The following ATP11C variants were observed in gnomAD, a reference collection of about 807,000 sequenced individuals.
ATP11C encodes the protein phospholipid-transporting ATPase IG.
A neutral mutation model predicts 97.4 loss-of-function variants in ATP11C; 36 were observed. The observed-to-expected ratio is 0.37, with a 90% CI of 0.28 to 0.49. The LOEUF (loss-of-function observed/expected upper bound fraction) is 0.49, where lower values mean the gene tolerates loss of function less well. ATP11C is among the 20% of genes least tolerant of loss of function. ATP11C has a pLI of 0.98. For missense variants in ATP11C, 730 were observed against 824.6 expected, an observed-to-expected ratio of 0.89 and a Z score of 1.40; for synonymous variants, 275 against 290.9, an observed-to-expected ratio of 0.95 and a Z score of 0.56.
chrX:139,918,692 A>T (rs1332271757), intron 1 of ATP11C, among the ~76,000 whole-genome samples: 1 of 108,633 alleles, frequency 9.2e-6, no homozygotes, highest in Non-Finnish European at 1.9e-5. Flanking sequence ...AAAAAAAAAA[A>T]AAAAGGGAAG....
chrX:139,762,751 C>T (rs1211894096), intron 21 of ATP11C, among the ~76,000 whole-genome samples: 1 of 111,030 alleles, frequency 9.0e-6, no homozygotes, highest in Non-Finnish European at 1.9e-5. Flanking sequence ...AGCTAACTAA[C>T]TTGCTGGGGA....
chrX:139,808,359 T>A (rs886656860), intron 5 of ATP11C, among the ~76,000 whole-genome samples: 3 of 110,840 alleles, frequency 2.7e-5, no homozygotes, highest in African/African-American at 9.9e-5. Flanking sequence ...CCAAAGTTAA[T>A]CAAAGCCGAC....
Position 139,804,616 on chromosome X carries a change from A to C in ATP11C, c.427-17T>G. The C allele has an allele frequency of 8.7e-7, 1 of 1,153,287 alleles. No individual in the cohort carries two copies. The highest frequency in any genetic ancestry group is 1.2e-6 in the Non-Finnish European group (1 of 858,131). ...ATCACCAACCTGGAATTGAGAAATAAATATAAATATTTTAAATTCCAAACA... is the reference window on the plus strand; with the variant it reads ...ATCACCAACCTGGAATTGAGAAATACATATAAATATTTTAAATTCCAAACA... On this transcript the variant is annotated splice_polypyrimidine_tract_variant and intron_variant, in intron 5 of 29. Coordinates refer to ENST00000682941, the MANE Select transcript of ATP11C (RefSeq NM_001353812.2).
At chrX:139,826,967 C>G in intron 1 of ATP11C, 144 bp from the exon 2 acceptor site, 1 of 554,147 alleles carries the variant, frequency 1.8e-6, no homozygotes, top group Non-Finnish European at 2.7e-6. Context: ...TTAGGGAATT[C>G]AAAATCCATT....
At chrX:139,881,336 AC>A (rs1177387579) in intron 1 of ATP11C, among the ~76,000 whole-genome samples, 1 of 111,564 alleles carries the variant, frequency 9.0e-6, no homozygotes. Context: ...ACATGGTTCA[AC>A]CCAGGCCACG....
chrX:139,781,288 A>G (rs2082451428), intron 18 of ATP11C, among the ~76,000 whole-genome samples: 1 of 112,245 alleles, frequency 8.9e-6, no homozygotes, highest in Non-Finnish European at 1.9e-5. Context: ...AATTCTCATA[A>G]TTTTCATATA....
Position 139,753,508 on chromosome X carries a change from A to G in ATP11C, c.2701-3356T>C, listed in dbSNP as rs1354592737. Among the ~76,000 whole-genome samples the G allele has an allele frequency of 6.2e-5, 7 of 112,024 alleles. No homozygotes were observed. In the East Asian group the frequency reaches 2.0e-3, roughly 31 times the overall value. Reference sequence around the variant, plus strand: ...GAAATTTATAGCACTAAACACCCGCATCAAAAAGTTAAAAAGAGGGCCGGG... The same window carrying G: ...GAAATTTATAGCACTAAACACCCGCGTCAAAAAGTTAAAAAGAGGGCCGGG... On this transcript the variant is annotated intron_variant, in intron 23 of 29. Coordinates refer to ENST00000682941, the MANE Select transcript of ATP11C (RefSeq NM_001353812.2).
At chrX:139,802,425 G>T in intron 6 of ATP11C, 86 bp from the exon 7 acceptor site, 1 of 530,474 alleles carries the variant, frequency 1.9e-6, no homozygotes, top group Non-Finnish European at 3.1e-6. Flanking sequence ...AACAAATTTA[G>T]TTTATGTTTT....
At chrX:139,805,354 T>A (rs766993050) in intron 5 of ATP11C, among the ~76,000 whole-genome samples, 4 of 111,972 alleles carry the variant, frequency 3.6e-5, no homozygotes, top group Non-Finnish European at 5.6e-5. Flanking sequence ...CACTTAACTA[T>A]ATGACCTTAA....
rs991905036 is a variant in ATP11C, at chrX:139,866,841, G to C, written c.28-40018C>G. Among the ~76,000 whole-genome samples, 23 of 111,669 alleles carry C rather than the reference G, an allele frequency of 2.1e-4. 1 individual carries two copies. The highest frequency in any genetic ancestry group is 3.6e-4 in the Non-Finnish European group (19 of 53,189). ...CTCACACCTATAAATCCAACACTTT[G>C]GGAGGCCGAGACAAGCAGATTGCTT... On this transcript the variant is annotated intron_variant, in intron 1 of 29. Coordinates refer to ENST00000682941, the MANE Select transcript of ATP11C (RefSeq NM_001353812.2).
chrX:139,808,410 A>T (rs969801502), intron 5 of ATP11C, among the ~76,000 whole-genome samples: 40 of 112,054 alleles, frequency 3.6e-4, no homozygotes, highest in Non-Finnish European at 7.5e-5. Flanking sequence ...GATAACTACG[A>T]TGAAAAAAAT....
At chrX:139,904,017 G>C (rs753944120) in intron 1 of ATP11C, among the ~76,000 whole-genome samples, 1 of 111,958 alleles carries the variant, frequency 8.9e-6, no homozygotes, top group East Asian at 2.8e-4. Context: ...CAGCTCCCAG[G>C]TGATGTGATA....
chrX:139,879,242 C>T (rs147686010), intron 1 of ATP11C, among the ~76,000 whole-genome samples: 15 of 110,565 alleles, frequency 1.4e-4, no homozygotes, highest in Non-Finnish European at 2.8e-4. Context: ...GGATTATTCA[C>T]AATAGCCAAG....
chrX:139,731,154 C>T (rs1176400695), intron 29 of ATP11C, among the ~76,000 whole-genome samples: 2 of 111,513 alleles, frequency 1.8e-5, no homozygotes, highest in African/African-American at 3.3e-5. Flanking sequence ...TAAGTGTATA[C>T]AGTACCTGCA....
intron 1 of ATP11C, among the ~76,000 whole-genome samples, chrX:139,926,385 TG>T (rs1163261103): frequency 3.6e-5 from 4 of 111,958 alleles, no homozygotes; most frequent in Non-Finnish European, 7.5e-5. Flanking sequence ...CAATGAGCCT[TG>T]ATTTTTTCCA....
At chrX:139,839,909 G>A (rs920830106) in intron 1 of ATP11C, among the ~76,000 whole-genome samples, 2 of 110,484 alleles carry the variant, frequency 1.8e-5, no homozygotes, top group African/African-American at 6.6e-5. Context: ...TTGTCCCTGA[G>A]TATTCCACTG....
intron 22 of ATP11C, among the ~76,000 whole-genome samples, chrX:139,758,595 T>A (rs967085015): frequency 1.6e-4 from 18 of 111,775 alleles, no homozygotes; most frequent in African/African-American, 5.8e-4. Flanking sequence ...AAACACAAGC[T>A]GGGAATTCAT....
chrX:139,787,043 A>T (rs2082587613), intron 15 of ATP11C, 130 bp downstream of exon 15: 1 of 940,423 alleles, frequency 1.1e-6, no homozygotes, highest in Non-Finnish European at 1.4e-6. Context: ...ATATTTACAT[A>T]AAACTCTGAA....
chrX:139,832,438 T>G (rs1382141499), intron 1 of ATP11C: 1 of 515,858 alleles, frequency 1.9e-6, no homozygotes, highest in Non-Finnish European at 2.8e-6. Context: ...ATTGCACCAT[T>G]TCATATCTTT....
Sources: gnomAD v4.1 joint callset for allele counts (sites outside exome capture counted in the v4.1 genomes callset) on GRCh38, gnomAD v4.1.1 for gene constraint, MANE v1.5 for transcripts, NCBI Gene and HGNC (gene_info 2026-07-23, HGNC 2026-07-21) for gene names.